Variants in LGALS3BP observed in about 807,000 individuals in gnomAD.
LGALS3BP encodes the protein galectin 3 binding protein, also known as galectin-3-binding protein.
A neutral mutation model predicts 22.9 loss-of-function variants in LGALS3BP; 25 were observed. The observed-to-expected ratio is 1.09, with a 90% CI of 0.80 to 1.53. LGALS3BP has a LOEUF of 1.53. LGALS3BP is among the 40% of genes most tolerant of loss of function. The pLI is 0.00. For missense variants in LGALS3BP, 718 were observed against 752.0 expected (o/e 0.95, Z 0.53); for synonymous variants, 335 against 331.1 (o/e 1.01, Z -0.13).
At position 78,972,012 on chromosome 17, in the gene LGALS3BP, T is replaced by A. The variant is rs754216362; in HGVS notation, c.1322A>T (p.Lys441Ile). 1 of 1,613,910 alleles carries A rather than the reference T, an allele frequency of 6.2e-7. No homozygotes were observed. Among genetic ancestry groups the A allele is most frequent in the African/African-American group, 1.3e-5 (1 of 74,856 alleles). The change falls in exon 6 of 6, where the codon AAA becomes ATA. Residue 441 changes from lysine (K) to isoleucine (I), a missense_variant. Coordinates refer to ENST00000262776, the MANE Select transcript of LGALS3BP (RefSeq NM_005567.4). This position sits in a 1 kb window ranked among gnomAD's most constrained non-coding sequence, Gnocchi z 5.1. Reference protein sequence around the residue: ...VYQSRRGPLVKYSSDYFQAPS... With the variant: ...VYQSRRGPLVIYSSDYFQAPS... ...GGCTTGGAAGTAATCAGAAGAATAT[T>A]TGACCAAAGGCCCCCGTCTGGACTG...
Position 78,974,770 on chromosome 17 carries a change from G to C in LGALS3BP, c.294C>G (p.Ala98=). The C allele has an allele frequency of 6.2e-7, 1 of 1,613,886 alleles. No homozygotes were observed. The highest frequency in any genetic ancestry group is 8.5e-7 in the Non-Finnish European group (1 of 1,180,012). The change falls in exon 4 of 6, where the codon GCC becomes GCG. Residue 98 remains alanine (A), a synonymous_variant. Coordinates refer to ENST00000262776, the MANE Select transcript of LGALS3BP (RefSeq NM_005567.4). ...LDEVQCTGTE[A]SLADCKSLGW... ...CCAGGGACTTGCAGTCGGCCAGTGA[G>C]GCCTCGGTTCCCGTGCACTGGACCT...
At chr17:78,975,814 AAAAAAAAAAGT>A in intron 3 of LGALS3BP, 140 bp downstream of exon 3, 2 of 525,358 alleles carry the variant, frequency 3.8e-6, no homozygotes, top group East Asian at 6.5e-5. Flanking sequence ...AAAAAAAAAA[AAAAAAAAAAGT>A]GTTTGCTCTT....
In LGALS3BP at chr17:78,972,729, T is replaced by A; in HGVS notation, c.630-25A>T. On this transcript the variant is annotated intron_variant, in intron 5 of 5. Transcript: ENST00000262776. This position sits in a 1 kb window ranked among gnomAD's most constrained non-coding sequence, Gnocchi z 5.1. ...CCTGGGGAGAAAGAAGGAGAGCAGA[T>A]GCCGGCCCCACAGGACAGCAGGGGA... The A allele has an allele frequency of 6.6e-7, 1 of 1,514,434 alleles. No individual in the cohort carries two copies. The highest frequency in any genetic ancestry group is 1.3e-5 in the South Asian group (1 of 75,056). 93.8% of individuals were successfully genotyped at this position (1,514,434 alleles called of 1,614,324 possible).
At position 78,976,346 on chromosome 17, in the gene LGALS3BP, C is replaced by T. The variant is rs1051772118; in HGVS notation, c.53-190G>A. ...AAGATACATACAGCCCCCCCTACCC[C>T]GCAAGGAGGCCAAACTCGCCTTTCC... On this transcript the variant is annotated intron_variant, in intron 2 of 5. Transcript: ENST00000262776. The surrounding 1 kb of genome is among the most constrained non-coding windows in gnomAD (Gnocchi z 4.6). Among the ~76,000 whole-genome samples, 6 of 152,222 alleles carry T rather than the reference C, an allele frequency of 3.9e-5. No homozygotes were observed. Among genetic ancestry groups the T allele is most frequent in the Non-Finnish European group, 5.9e-5 (4 of 68,028 alleles).
In LGALS3BP at chr17:78,972,107, G is replaced by A. The variant is rs1599200518; in HGVS notation, c.1227C>T (p.Tyr409=). The A allele has an allele frequency of 1.9e-6, 3 of 1,613,342 alleles. No individual in the cohort carries two copies. Among genetic ancestry groups the A allele is most frequent in the Non-Finnish European group, 2.5e-6 (3 of 1,179,378 alleles). The change falls in exon 6 of 6, where the codon TAC becomes TAT. Residue 409 remains tyrosine, a synonymous_variant. Coordinates refer to ENST00000262776, the MANE Select transcript of LGALS3BP (RefSeq NM_005567.4). The surrounding 1 kb of genome is among the most constrained non-coding windows in gnomAD (Gnocchi z 5.1). The part of the protein sequence containing the change: ...LTEDTYKPRI[Y]TSPTWSAFVT... ...CAAAGGCACTCCAGGTGGGCGAGGTGTAAATCCGGGGCTTGTAGGTATCCT... is the reference window on the plus strand; with the variant it reads ...CAAAGGCACTCCAGGTGGGCGAGGTATAAATCCGGGGCTTGTAGGTATCCT...
chr17:78,972,787 G>T lies in LGALS3BP; in HGVS notation c.630-83C>A, dbSNP rs2070685746. On this transcript the variant is annotated intron_variant, in intron 5 of 5. Coordinates refer to ENST00000262776, the MANE Select transcript of LGALS3BP (RefSeq NM_005567.4). This position sits in a 1 kb window ranked among gnomAD's most constrained non-coding sequence, Gnocchi z 5.1. ...GCCCAACTGTCCAACACAGCCACCTGAGTGCACACAGTGTGGGAGTGAGCA... is the reference window on the plus strand; with the variant it reads ...GCCCAACTGTCCAACACAGCCACCTTAGTGCACACAGTGTGGGAGTGAGCA... 2 of 1,478,908 alleles carry T rather than the reference G, an allele frequency of 1.4e-6. No individual in the cohort carries two copies. The highest frequency in any genetic ancestry group is 1.4e-5 in the African/African-American group (1 of 70,948). 91.6% of individuals were successfully genotyped at this position (1,478,908 alleles called of 1,614,324 possible). A position where few individuals can be genotyped will look rare whatever the true frequency, so the allele number is the denominator to read the frequency against.
At chr17:78,977,044 C>T in intron 2 of LGALS3BP, 96 bp downstream of exon 2, 1 of 1,326,826 alleles carries the variant, frequency 7.5e-7, no homozygotes, top group Non-Finnish European at 1.1e-6. Context: ...GGGCCCCGGG[C>T]CCCAGGCAGA....
At position 78,974,822 on chromosome 17, in the gene LGALS3BP, G is replaced by A. The variant is rs750971988; in HGVS notation, c.245-3C>T. ...ATCCAGCATGATGGGGCCTGATCCT[G>A]TGGACACAGCAGATGGCAGGGCTGG... is the stretch of plus-strand genomic sequence containing the variant. On this transcript the variant is annotated splice_region_variant and splice_polypyrimidine_tract_variant and intron_variant, in intron 3 of 5. Coordinates refer to ENST00000262776, the MANE Select transcript of LGALS3BP (RefSeq NM_005567.4). 6.2e-7 allele frequency: 1 copy of A among 1,613,378 alleles called. No individual in the cohort carries two copies. The highest frequency in any genetic ancestry group is 8.5e-7 in the Non-Finnish European group (1 of 1,179,804).
intron 4 of LGALS3BP, among the ~76,000 whole-genome samples, chr17:78,974,368 C>T (rs963629829): frequency 2.0e-5 from 3 of 152,198 alleles, no homozygotes; most frequent in African/African-American, 4.8e-5. Context: ...TCTGAGCGGA[C>T]GCTGGCATTT....
At chr17:78,977,924 C>T (rs1210813651) in intron 1 of LGALS3BP, among the ~76,000 whole-genome samples, 1 of 152,166 alleles carries the variant, frequency 6.6e-6, no homozygotes, top group Admixed American at 6.5e-5. Context: ...GACACTCAGG[C>T]CAGGACTGGG....
chr17:78,976,901 A>C lies in LGALS3BP; in HGVS notation c.52+239T>G. ...GCCCCTCTGGTTCCCTCTGGACGGA[A>C]TGGAGGATTCCCTAGTGTCCTCTCT... On this transcript the variant is annotated intron_variant, in intron 2 of 5. Transcript: ENST00000262776. This position sits in a 1 kb window ranked among gnomAD's most constrained non-coding sequence, Gnocchi z 4.6. 6 of 563,918 alleles carry C rather than the reference A, an allele frequency of 1.1e-5. No individual in the cohort carries two copies. Among genetic ancestry groups the C allele is most frequent in the East Asian group, 3.1e-5 (1 of 32,522 alleles). The allele number at this position is 563,918 out of a possible 1,614,324, so 34.9% of individuals were successfully genotyped here. A position where few individuals can be genotyped will look rare whatever the true frequency, so the allele number is the denominator to read the frequency against.
Position 78,976,712 on chromosome 17 carries a change from T to G in LGALS3BP, c.52+428A>C. 4.9e-6 allele frequency: 1 copy of G among 203,916 alleles called. No homozygotes were observed. The highest frequency in any genetic ancestry group is 1.0e-5 in the Non-Finnish European group (1 of 98,766). The allele number at this position is 203,916 out of a possible 1,614,324, so 12.6% of individuals were successfully genotyped here. On this transcript the variant is annotated intron_variant, in intron 2 of 5. Coordinates refer to ENST00000262776, the MANE Select transcript of LGALS3BP (RefSeq NM_005567.4). This position sits in a 1 kb window ranked among gnomAD's most constrained non-coding sequence, Gnocchi z 4.6. The stretch of plus-strand genomic sequence containing the variant: ...GCAGGAGCTGGGTGCCTGAATCCAG[T>G]CGGGGGTACATCTGGCTTCCATGGG...
chr17:78,977,356 C>T, intron 1 of LGALS3BP, 142 bp from the exon 2 acceptor site: 1 of 653,680 alleles, frequency 1.5e-6, no homozygotes, highest in East Asian at 2.7e-5. Context: ...CACTATGATC[C>T]CAGTAAGTGT....
At chr17:78,974,611 G>C in intron 4 of LGALS3BP, 77 bp downstream of exon 4, 1 of 1,499,410 alleles carries the variant, frequency 6.7e-7, no homozygotes, top group Non-Finnish European at 9.1e-7. Flanking sequence ...GCGTGGGGGG[G>C]TGGTGCTGGG....
In LGALS3BP at chr17:78,976,325, T is replaced by C. The variant is rs1293371064; in HGVS notation, c.53-169A>G. 1.3e-5 allele frequency among the ~76,000 whole-genome samples: 2 copies of C among 152,114 alleles called. No individual in the cohort carries two copies. The highest frequency in any genetic ancestry group is 2.9e-5 in the Non-Finnish European group (2 of 68,012). On this transcript the variant is annotated intron_variant, in intron 2 of 5. Coordinates refer to ENST00000262776, the MANE Select transcript of LGALS3BP (RefSeq NM_005567.4). This position sits in a 1 kb window ranked among gnomAD's most constrained non-coding sequence, Gnocchi z 4.6. ...ACCTCCATGAGGGAGGAGTGGAAGA[T>C]ACATACAGCCCCCCCTACCCCGCAA...
chr17:78,976,967 A>C lies in LGALS3BP; in HGVS notation c.52+173T>G. On this transcript the variant is annotated intron_variant, in intron 2 of 5. Coordinates refer to ENST00000262776, the MANE Select transcript of LGALS3BP (RefSeq NM_005567.4). This position sits in a 1 kb window ranked among gnomAD's most constrained non-coding sequence, Gnocchi z 4.6. ...CCTGAACCCAGGTGAGCCCCCGGGAACCTCCAAGTCATCATCACTGGGGAT... is the reference window on the plus strand; with the variant it reads ...CCTGAACCCAGGTGAGCCCCCGGGACCCTCCAAGTCATCATCACTGGGGAT... 7.6e-6 allele frequency: 5 copies of C among 657,554 alleles called. No homozygotes were observed. Among genetic ancestry groups the C allele is most frequent in the Non-Finnish European group, 1.4e-5 (5 of 369,116 alleles). The allele number at this position is 657,554 out of a possible 1,614,324, so 40.7% of individuals were successfully genotyped here. A position where few individuals can be genotyped will look rare whatever the true frequency, so the allele number is the denominator to read the frequency against.
intron 3 of LGALS3BP, 78 bp from the exon 4 acceptor site, chr17:78,974,897 T>C: frequency 6.4e-7 from 1 of 1,565,896 alleles, no homozygotes; most frequent in Non-Finnish European, 8.7e-7. Context: ...CAGCCCTTTG[T>C]TCTCCGCCCC....
chr17:78,973,073 G>A lies in LGALS3BP; in HGVS notation c.526C>T (p.Leu176=), dbSNP rs1380356061. The part of the protein sequence containing the change: ...ALGFCGHTVI[L]TANLEAQALW... ...GCCTGGGCCTCCAGGTTGGCAGTCA[G>A]GATGACCGTGTGGCCACAGAAGCCC... The change falls in exon 5 of 6, where the codon CTG becomes TTG. Residue 176 remains leucine (L), a synonymous_variant. Coordinates refer to ENST00000262776, the MANE Select transcript of LGALS3BP (RefSeq NM_005567.4). The surrounding 1 kb of genome is among the most constrained non-coding windows in gnomAD (Gnocchi z 5.8). 1.2e-6 allele frequency: 2 copies of A among 1,613,868 alleles called. No homozygotes were observed. The highest frequency in any genetic ancestry group is 1.7e-6 in the Non-Finnish European group (2 of 1,179,998).
chr17:78,979,505 C>T (rs1421751845), intron 1 of LGALS3BP: 1 of 152,246 alleles, frequency 6.6e-6, no homozygotes, highest in Non-Finnish European at 1.5e-5. Context: ...AATCCCTACA[C>T]TTTGGGAGGC....
Sources: gnomAD v4.1 joint callset for allele counts (sites outside exome capture counted in the v4.1 genomes callset) on GRCh38, gnomAD v4.1.1 for gene constraint, Gnocchi (gnomAD v3.1) non-coding constraint, MANE v1.5 for transcripts, NCBI Gene and HGNC (gene_info 2026-07-23, HGNC 2026-07-21) for gene names.